PTPRD: variants seen among roughly 807,000 people sequenced by gnomAD.
PTPRD encodes receptor-type tyrosine-protein phosphatase delta.
In PTPRD, 34 loss-of-function variants were observed where a neutral mutation model predicts 214.5. The observed-to-expected ratio is 0.16, with a 90% CI of 0.12 to 0.21. The LOEUF (loss-of-function observed/expected upper bound fraction) is 0.21. PTPRD is among the 10% of genes least tolerant of loss of function. PTPRD has a pLI of 1.00. For missense variants in PTPRD, 2,545 were observed against 2,398.7 expected, an observed-to-expected ratio of 1.06 and a Z score of -1.27; for synonymous variants, 1,128 against 845.7, an observed-to-expected ratio of 1.33 and a Z score of -5.79.
chr9:10,001,862 G>A (rs906837233), intron 4 of PTPRD, among the ~76,000 whole-genome samples: 5 of 151,982 alleles, frequency 3.3e-5, no homozygotes, highest in African/African-American at 1.2e-4. Flanking sequence ...GGAATAAAGA[G>A]TACAGACAAA....
intron 3 of PTPRD, among the ~76,000 whole-genome samples, chr9:10,179,234 T>A (rs549956202): frequency 6.6e-6 from 1 of 151,344 alleles, no homozygotes; most frequent in African/African-American, 2.4e-5. Context: ...GAGCCAGGAA[T>A]GCTTTTTTCA....
intron 6 of PTPRD, among the ~76,000 whole-genome samples, chr9:9,746,644 G>A (rs771383659): frequency 3.2e-4 from 48 of 152,146 alleles, no homozygotes; most frequent in Non-Finnish European, 6.0e-4. Context: ...ATTCTGAGAA[G>A]TTGGATGAGA....
rs146575237 is a variant in PTPRD at position 10,098,880 on chromosome 9, A to T, written c.-544-65090T>A. Among the ~76,000 whole-genome samples, 5 of 151,886 alleles carry T rather than the reference A, an allele frequency of 3.3e-5. No homozygotes were observed. In the East Asian group the frequency reaches 9.7e-4, roughly 30 times the overall value. ...TGATTAAAGATCACTGCACTTCACCATTTCAGTTCCCAGTATACAATATTT... is the reference window on the plus strand; with the variant it reads ...TGATTAAAGATCACTGCACTTCACCTTTTCAGTTCCCAGTATACAATATTT... On this transcript the variant is annotated intron_variant, in intron 3 of 45. Transcript: ENST00000381196.
chr9:9,595,454 ATG>A, intron 7 of PTPRD, among the ~76,000 whole-genome samples: 1 of 150,348 alleles, frequency 6.7e-6, no homozygotes, highest in Admixed American at 6.7e-5. Context: ...ATGCATACAC[ATG>A]TACGCATATG....
intron 11 of PTPRD, among the ~76,000 whole-genome samples, chr9:9,000,778 A>G (rs2099414845): frequency 6.6e-6 from 1 of 152,028 alleles, no homozygotes; most frequent in South Asian, 2.1e-4. Flanking sequence ...ACAATTTAAT[A>G]TGGGTGTATT....
At chr9:8,376,203 C>T in intron 38 of PTPRD, 113 bp from the exon 39 acceptor site, 1 of 1,225,870 alleles carries the variant, frequency 8.2e-7, no homozygotes, top group Non-Finnish European at 1.1e-6. Flanking sequence ...TTTCTACCAC[C>T]CTGTAGCCTT....
chr9:10,422,186 C>T (rs1416325516), intron 2 of PTPRD, among the ~76,000 whole-genome samples: 1 of 151,856 alleles, frequency 6.6e-6, no homozygotes, highest in Non-Finnish European at 1.5e-5. Flanking sequence ...CGTTGACAAA[C>T]CTGACAAAAA....
At chr9:9,223,315 A>G (rs2099957383) in intron 9 of PTPRD, among the ~76,000 whole-genome samples, 1 of 151,922 alleles carries the variant, frequency 6.6e-6, no homozygotes, top group African/African-American at 2.4e-5. Context: ...CATGAAAACC[A>G]CACCCCACTG....
In PTPRD at chr9:10,219,653, A is replaced by T. The variant is rs537508534; in HGVS notation, c.-545+121310T>A. Among the ~76,000 whole-genome samples the T allele has an allele frequency of 3.2e-4, 49 of 151,974 alleles. 1 individual carries two copies. Among genetic ancestry groups the T allele is most frequent in the South Asian group, 2.3e-3 (11 of 4,826 alleles). On this transcript the variant is annotated intron_variant, in intron 3 of 45. Transcript: ENST00000381196. ...TTCCTATTAATCAAATAAATTTTTT[A>T]AAAAATTTATTTTTTAAACTTTAAT...
chr9:9,547,105 A>G (rs2154278563), intron 8 of PTPRD, among the ~76,000 whole-genome samples: 1 of 152,190 alleles, frequency 6.6e-6, no homozygotes, highest in South Asian at 2.1e-4. Context: ...AAAAACCATA[A>G]AATTGCACAA....
chr9:9,922,969 T>C (rs549282002), intron 5 of PTPRD, among the ~76,000 whole-genome samples: 2 of 152,152 alleles, frequency 1.3e-5, no homozygotes, highest in South Asian at 4.1e-4. Context: ...TCTATCAAAG[T>C]ATTTTATCAA....
chr9:8,639,014 T>C (rs1283918109), intron 12 of PTPRD, among the ~76,000 whole-genome samples: 1 of 152,084 alleles, frequency 6.6e-6, no homozygotes, highest in Non-Finnish European at 1.5e-5. Flanking sequence ...AGCTAATTTT[T>C]GTATTTTTAG....
chr9:8,943,280 A>C (rs539698995), intron 11 of PTPRD, among the ~76,000 whole-genome samples: 1 of 152,180 alleles, frequency 6.6e-6, no homozygotes, highest in South Asian at 2.1e-4. Context: ...AATAATCCTA[A>C]AATTTTTATG....
intron 12 of PTPRD, among the ~76,000 whole-genome samples, chr9:8,706,674 C>T (rs1247123025): frequency 1.3e-5 from 2 of 152,192 alleles, no homozygotes; most frequent in Admixed American, 1.3e-4. Context: ...TGTCAGAGTC[C>T]TTTGATGGAA....
chr9:8,701,552 AC>A (rs1231626250), intron 12 of PTPRD: 11 of 152,444 alleles, frequency 7.2e-5, no homozygotes, highest in African/African-American at 2.7e-4. Context: ...CAGGAGAATC[AC>A]TGGAACCTGG....
chr9:9,352,323 A>ATGTG (rs1254185664), intron 9 of PTPRD, among the ~76,000 whole-genome samples: 2 of 110,436 alleles, frequency 1.8e-5, no homozygotes, highest in South Asian at 7.6e-4. Context: ...ATATATATAT[A>ATGTG]TATATGTGTG....
At chr9:9,027,369 T>A (rs890886275) in intron 10 of PTPRD, among the ~76,000 whole-genome samples, 9 of 151,950 alleles carry the variant, frequency 5.9e-5, no homozygotes, top group African/African-American at 1.9e-4. Context: ...AAAATGCACA[T>A]GTACACTATA....
chr9:10,252,675 A>T (rs944967739), intron 3 of PTPRD, among the ~76,000 whole-genome samples: 2 of 152,232 alleles, frequency 1.3e-5, no homozygotes, highest in African/African-American at 4.8e-5. Context: ...ATAAATTAGC[A>T]TAATCACCAA....
intron 3 of PTPRD, among the ~76,000 whole-genome samples, chr9:10,272,941 T>A (rs1375029403): frequency 6.6e-6 from 1 of 152,176 alleles, no homozygotes; most frequent in Admixed American, 6.5e-5. Context: ...CAGTATTCTG[T>A]CTCAATTCAG....
Sources: allele counts gnomAD v4.1 joint callset (sites outside exome capture counted in the v4.1 genomes callset), GRCh38; gene constraint gnomAD v4.1.1; transcripts MANE v1.5; gene names NCBI Gene and HGNC (gene_info 2026-07-23, HGNC 2026-07-21).